Variants in DIAPH3 observed in about 807,000 individuals in gnomAD.
DIAPH3 encodes diaphanous related formin 3.
In DIAPH3, 117 loss-of-function variants were observed where a neutral mutation model predicts 144.3. The ratio of observed to expected loss-of-function variants is 0.81; its 90% CI spans 0.70 to 0.95. The LOEUF (loss-of-function observed/expected upper bound fraction) is 0.95. DIAPH3 is among the 40% of genes least tolerant of loss of function. The pLI is 0.00. For missense variants in DIAPH3, 1,421 were observed against 1,412.7 expected, an observed-to-expected ratio of 1.01 and a Z score of -0.09; for synonymous variants, 519 against 488.9, an observed-to-expected ratio of 1.06 and a Z score of -0.81.
intron 17 of DIAPH3, among the ~76,000 whole-genome samples, chr13:59,956,483 C>A (rs2140470335): frequency 6.6e-6 from 1 of 152,362 alleles, no homozygotes; most frequent in Non-Finnish European, 1.5e-5. Context: ...AAGTCAAGAA[C>A]TGAGGTTTGG....
At chr13:59,840,467 T>G (rs944675137) in intron 22 of DIAPH3, among the ~76,000 whole-genome samples, 1 of 152,092 alleles carries the variant, frequency 6.6e-6, no homozygotes, top group African/African-American at 2.4e-5. Flanking sequence ...CTGAGTTGTT[T>G]TTTTTTTAAT....
chr13:59,931,669 T>C (rs760477633), intron 17 of DIAPH3, among the ~76,000 whole-genome samples: 11 of 152,172 alleles, frequency 7.2e-5, no homozygotes, highest in Admixed American at 6.6e-4. Context: ...CTTGTGTGTA[T>C]GTATGTATGA....
At chr13:59,748,803 G>A (rs1648351472) in intron 27 of DIAPH3, among the ~76,000 whole-genome samples, 1 of 152,130 alleles carries the variant, frequency 6.6e-6, no homozygotes, top group Non-Finnish European at 1.5e-5. Context: ...TATTAGAGGG[G>A]GCCAGAAGCC....
chr13:60,156,107 T>C (rs1026445553), intron 1 of DIAPH3, among the ~76,000 whole-genome samples: 4 of 152,212 alleles, frequency 2.6e-5, no homozygotes, highest in African/African-American at 7.2e-5. Flanking sequence ...GGCAGGCTGC[T>C]CTCCTTCTAG....
intron 18 of DIAPH3, among the ~76,000 whole-genome samples, chr13:59,923,594 G>A (rs1162659363): frequency 8.6e-5 from 13 of 152,036 alleles, no homozygotes; most frequent in Admixed American, 8.5e-4. Flanking sequence ...GTGCCAGGGG[G>A]AGCTTCTTCA....
intron 27 of DIAPH3, among the ~76,000 whole-genome samples, chr13:59,705,392 GCCT>G (rs2034360242): frequency 6.6e-6 from 1 of 152,124 alleles, no homozygotes; most frequent in South Asian, 2.1e-4. Context: ...TTCTATAATT[GCCT>G]TCAGGGTCTG....
At position 59,666,681 on chromosome 13, in the gene DIAPH3, C is replaced by T; in HGVS notation, c.3485G>A (p.Ser1162Asn). 3 of 1,613,924 alleles carry T rather than the reference C, an allele frequency of 1.9e-6. No homozygotes were observed. In the East Asian group the frequency reaches 6.7e-5, roughly 36 times the overall value. The stretch of plus-strand genomic sequence containing the variant: ...AAGTTCCGTTTCCTTTTTTCTGTTG[C>T]TTTCTACATTACACGCTTCCTTCTT... ...AEKKEACNVE[S>N]NRKKETELLG... The change falls in exon 28 of 28, where the codon AGC becomes AAC. Residue 1162 changes from serine (S) to asparagine (N), a missense_variant. Coordinates refer to ENST00000400324, the MANE Select transcript of DIAPH3 (RefSeq NM_001042517.2).
At chr13:59,695,703 C>G (rs1487932624) in intron 27 of DIAPH3, among the ~76,000 whole-genome samples, 1 of 152,136 alleles carries the variant, frequency 6.6e-6, no homozygotes, top group Non-Finnish European at 1.5e-5. Flanking sequence ...ACACTTTACC[C>G]TTTCTGAAGA....
chr13:59,975,872 G>A (rs1043974516), intron 14 of DIAPH3, among the ~76,000 whole-genome samples: 3 of 151,768 alleles, frequency 2.0e-5, no homozygotes, highest in Admixed American at 6.6e-5. Flanking sequence ...CAACTACTAC[G>A]GCTCCTACAA....
At chr13:60,140,601 G>A (rs2059404950) in intron 1 of DIAPH3, among the ~76,000 whole-genome samples, 1 of 151,906 alleles carries the variant, frequency 6.6e-6, no homozygotes, top group Admixed American at 6.6e-5. Flanking sequence ...AAATAAAACA[G>A]GAATCATAGG....
At chr13:60,033,493 T>A (rs2054963721) in intron 5 of DIAPH3, among the ~76,000 whole-genome samples, 2 of 152,112 alleles carry the variant, frequency 1.3e-5, no homozygotes, top group South Asian at 4.2e-4. Flanking sequence ...GGGTCGGCCT[T>A]AGGAAGCTTG....
At chr13:60,138,682 T>G (rs2059350644) in intron 1 of DIAPH3, among the ~76,000 whole-genome samples, 1 of 152,082 alleles carries the variant, frequency 6.6e-6, no homozygotes, top group African/African-American at 2.4e-5. Flanking sequence ...TTAAAGATTG[T>G]TCATTGTATC....
At chr13:60,144,546 G>A (rs1041296431) in intron 1 of DIAPH3, among the ~76,000 whole-genome samples, 6 of 152,122 alleles carry the variant, frequency 3.9e-5, no homozygotes, top group African/African-American at 1.4e-4. Flanking sequence ...CTAAACACAA[G>A]GCAGAATATA....
At chr13:59,876,030 G>T (rs779036195) in intron 21 of DIAPH3, among the ~76,000 whole-genome samples, 1 of 151,964 alleles carries the variant, frequency 6.6e-6, no homozygotes, top group Non-Finnish European at 1.5e-5. Flanking sequence ...ATTCGTAAAG[G>T]GCATTTAAAA....
At chr13:59,981,181 T>C (rs1486593680) in intron 13 of DIAPH3, among the ~76,000 whole-genome samples, 1 of 151,024 alleles carries the variant, frequency 6.6e-6, no homozygotes, top group Non-Finnish European at 1.5e-5. Context: ...ATGATGTCTA[T>C]AAACAAGCTT....
chr13:59,980,837 T>C lies in DIAPH3; in HGVS notation c.1503A>G (p.Lys501=). The change falls in exon 14 of 28, where the codon AAA becomes AAG. Residue 501 remains lysine, a synonymous_variant. Transcript: ENST00000400324. ...QFVDICIDQA[K]LEEFEEKASE... ...ATGCTTTCTCTTCAAACTCTTCTAGTTTTGCTTGATCTATGCAAATGTCTA... is the reference window on the plus strand; with the variant it reads ...ATGCTTTCTCTTCAAACTCTTCTAGCTTTGCTTGATCTATGCAAATGTCTA... 1 of 1,609,464 alleles carries C rather than the reference T, an allele frequency of 6.2e-7. No individual in the cohort carries two copies. Among genetic ancestry groups the C allele is most frequent in the East Asian group, 2.2e-5 (1 of 44,732 alleles).
rs2043720299 is a variant in DIAPH3 at position 59,863,418 on chromosome 13, T to C, written c.2608-1882A>G. ...CTTTAAAATTGGCTCCTAAATAAAT[T>C]CCCATAAGTAATATTTTAAAAAATC... On this transcript the variant is annotated intron_variant, in intron 21 of 27. Coordinates refer to ENST00000400324, the MANE Select transcript of DIAPH3 (RefSeq NM_001042517.2). 5.3e-5 allele frequency among the ~76,000 whole-genome samples: 8 copies of C among 152,184 alleles called. No homozygotes were observed. In the South Asian group the frequency reaches 1.7e-3, roughly 32 times the overall value.
intron 27 of DIAPH3, among the ~76,000 whole-genome samples, chr13:59,697,459 CAAAAAAAAAAAAAAAAAAAA>C (rs58372882): frequency 3.2e-5 from 1 of 31,164 alleles, no homozygotes; most frequent in Non-Finnish European, 5.7e-5. Context: ...GACACTGTCT[CAAAAAAAAAAAAAAAAAAAA>C]AAAAAAAAAA....
intron 1 of DIAPH3, among the ~76,000 whole-genome samples, chr13:60,134,563 G>T (rs1261041409): frequency 1.3e-5 from 2 of 152,228 alleles, no homozygotes; most frequent in Admixed American, 6.5e-5. Flanking sequence ...CCTGTTGTAT[G>T]TGTGCCTTCC....
Sources: gnomAD v4.1 joint callset for allele counts (sites outside exome capture counted in the v4.1 genomes callset) on GRCh38, gnomAD v4.1.1 for gene constraint, MANE v1.5 for transcripts, NCBI Gene and HGNC (gene_info 2026-07-23, HGNC 2026-07-21) for gene names.